PJA2: variants seen among roughly 807,000 people sequenced by gnomAD.
PJA2 encodes the protein praja ring finger ubiquitin ligase 2.
A neutral mutation model predicts 69.3 loss-of-function variants in PJA2; 25 were observed. The observed-to-expected ratio is 0.36, with a 90% CI of 0.26 to 0.50. The LOEUF is 0.50. Ranked by LOEUF, PJA2 falls within the 20% of genes least tolerant of loss-of-function variation. PJA2 has a pLI of 0.96. For synonymous variants in PJA2, 308 were observed against 277.8 expected, an observed-to-expected ratio of 1.11 and a Z score of -1.08; for missense variants, 809 against 830.2, an observed-to-expected ratio of 0.97 and a Z score of 0.31.
intron 9 of PJA2, among the ~76,000 whole-genome samples, chr5:109,343,593 G>C: frequency 6.6e-6 from 1 of 152,006 alleles, no homozygotes; most frequent in Non-Finnish European, 1.5e-5. Context: ...ATTCTAATCA[G>C]CTTTATTCTA....
At position 109,368,560 on chromosome 5, in the gene PJA2, C is replaced by A. The variant is rs530261508; in HGVS notation, c.1469+1G>T. ...AAAATAAATCTCACTGTTGAACATA[C>A]CCTTCCTGAAGAGATAATTCTTGGT... is the stretch of plus-strand genomic sequence containing the variant. On this transcript the variant is annotated splice_donor_variant, in intron 5 of 9. Coordinates refer to ENST00000361189, the MANE Select transcript of PJA2 (RefSeq NM_014819.5). LOFTEE classifies it high-confidence loss of function. 1 of 1,610,530 alleles carries A rather than the reference C, an allele frequency of 6.2e-7. No homozygotes were observed. The highest frequency in any genetic ancestry group is 1.7e-5 in the Admixed American group (1 of 59,418).
chr5:109,382,445 T>TAC (rs1413315570), intron 2 of PJA2, among the ~76,000 whole-genome samples: 1 of 152,220 alleles, frequency 6.6e-6, no homozygotes, highest in African/African-American at 2.4e-5. Context: ...TACATTATTA[T>TAC]ACACACACAT....
At chr5:109,373,601 G>A (rs1762711798) in intron 4 of PJA2, among the ~76,000 whole-genome samples, 2 of 152,244 alleles carry the variant, frequency 1.3e-5, no homozygotes, top group African/African-American at 4.8e-5. Context: ...ACACAAAAAT[G>A]ATCATGGAAC....
In PJA2 at chr5:109,335,045, A is replaced by G. The variant is rs1761914784; in HGVS notation, c.*2186T>C. ...AGAGAAATAAGATAAATGCTATTTT[A>G]TTAATATTCATACTTATTTCTAATT... On this transcript the variant is annotated 3_prime_UTR_variant, in exon 10 of 10. Coordinates refer to ENST00000361189, the MANE Select transcript of PJA2 (RefSeq NM_014819.5). The G allele has an allele frequency of 6.6e-6, 1 of 152,666 alleles. No individual in the cohort carries two copies. Among genetic ancestry groups the G allele is most frequent in the African/African-American group, 2.4e-5 (1 of 41,470 alleles). The allele number at this position is 152,666 out of a possible 1,614,324, so 9.5% of individuals were successfully genotyped here. A position where few individuals can be genotyped will look rare whatever the true frequency, so the allele number is the denominator to read the frequency against.
intron 7 of PJA2, among the ~76,000 whole-genome samples, chr5:109,349,165 C>A (rs1762212578): frequency 6.6e-6 from 1 of 152,124 alleles, no homozygotes; most frequent in Admixed American, 6.5e-5. Flanking sequence ...TTTAAATGTG[C>A]ATTGAAAGGT....
At chr5:109,377,936 C>T (rs1417634842) in intron 4 of PJA2, among the ~76,000 whole-genome samples, 1 of 151,956 alleles carries the variant, frequency 6.6e-6, no homozygotes, top group African/African-American at 2.4e-5. Flanking sequence ...ATTGAAATAC[C>T]ATGAACTAGC....
At chr5:109,379,961 C>A (rs1747001659) in intron 3 of PJA2, among the ~76,000 whole-genome samples, 2 of 150,908 alleles carry the variant, frequency 1.3e-5, no homozygotes. Context: ...TCTTGCATCA[C>A]CACTAATAAA....
intron 9 of PJA2, among the ~76,000 whole-genome samples, chr5:109,343,444 GTA>G (rs1207363687): frequency 6.8e-6 from 1 of 146,772 alleles, no homozygotes; most frequent in African/African-American, 2.5e-5. Flanking sequence ...AGGTTATTAA[GTA>G]TCTCTCATAT....
Position 109,342,229 on chromosome 5 carries a change from G to A in PJA2, c.2001+1961C>T, listed in dbSNP as rs1244012880. Among the ~76,000 whole-genome samples the A allele has an allele frequency of 7.9e-5, 4 of 50,838 alleles. 2 individuals carry two copies. The highest frequency in any genetic ancestry group is 1.5e-4 in the Non-Finnish European group (4 of 26,788). The allele number at this position is 50,838 out of a possible 152,430, so 33.4% of individuals were successfully genotyped here. A position where few individuals can be genotyped will look rare whatever the true frequency, so the allele number is the denominator to read the frequency against. The stretch of plus-strand genomic sequence containing the variant: ...GGTCAGCCCCCCCGCCCGGCCAGCC[G>A]CCCTGTCCAGGAGGTGAGGGGCGCC... On this transcript the variant is annotated intron_variant, in intron 9 of 9. Transcript: ENST00000361189.
chr5:109,355,334 G>A (rs1159868583), intron 7 of PJA2, among the ~76,000 whole-genome samples: 2 of 152,126 alleles, frequency 1.3e-5, no homozygotes, highest in African/African-American at 4.8e-5. Flanking sequence ...TACAGTAGTA[G>A]TTCCCAAACA....
In PJA2 at chr5:109,354,295, TATCTA is replaced by T. The variant is rs879709243; in HGVS notation, c.1764+1615_1764+1619del. 5.1e-3 allele frequency among the ~76,000 whole-genome samples: 754 copies of T among 147,676 alleles called. 78 individuals are homozygous for T. The highest frequency in any genetic ancestry group is 0.019 in the Middle Eastern group (2 of 108). On this transcript the variant is annotated intron_variant, in intron 7 of 9. Transcript: ENST00000361189. The stretch of plus-strand genomic sequence containing the variant: ...ATATCTATAGATTAGATATCTATGA[TATCTA>T]GAGATATCTATAGATTAGATATCTA...
At position 109,377,232 on chromosome 5, in the gene PJA2, T is replaced by G. The variant is rs114651460; in HGVS notation, c.1283+972A>C. Among the ~76,000 whole-genome samples the G allele has an allele frequency of 7.6e-3, 1,155 of 152,194 alleles. 13 individuals are homozygous for G. Among genetic ancestry groups the G allele is most frequent in the African/African-American group, 0.026 (1,081 of 41,542 alleles). On this transcript the variant is annotated intron_variant, in intron 4 of 9. Transcript: ENST00000361189. ...GTTTTATGACATGAATTAAAATGCA[T>G]TCATATTCAAAATGGTAAATTTCTT...
At chr5:109,358,230 C>T (rs941264088) in intron 6 of PJA2, among the ~76,000 whole-genome samples, 6 of 152,178 alleles carry the variant, frequency 3.9e-5, no homozygotes, top group Admixed American at 2.6e-4. Flanking sequence ...GGGAGGGAAA[C>T]CGCTTAAAGG....
At chr5:109,356,688 C>A (rs1762418186) in intron 6 of PJA2, among the ~76,000 whole-genome samples, 1 of 152,054 alleles carries the variant, frequency 6.6e-6, no homozygotes, top group African/African-American at 2.4e-5. Flanking sequence ...TTACTCACGG[C>A]TTTTTTCTTT....
intron 1 of PJA2, among the ~76,000 whole-genome samples, chr5:109,398,525 G>GC (rs1484856460): frequency 6.6e-6 from 1 of 150,744 alleles, no homozygotes; most frequent in Non-Finnish European, 1.5e-5. Context: ...GCAAACTATT[G>GC]CAAGGACAAA....
At chr5:109,392,560 CA>C (rs11365525) in intron 1 of PJA2, among the ~76,000 whole-genome samples, 2,352 of 110,046 alleles carry the variant, frequency 0.021, 35 homozygotes, top group African/African-American at 0.063. Flanking sequence ...GACTCCATCT[CA>C]AAAAAAAAAA....
At chr5:109,373,487 T>TAAGAAAC (rs974842683) in intron 4 of PJA2, among the ~76,000 whole-genome samples, 7 of 151,650 alleles carry the variant, frequency 4.6e-5, no homozygotes. Context: ...TACAGGAAAA[T>TAAGAAAC]AAGAAACGAA....
intron 7 of PJA2, among the ~76,000 whole-genome samples, chr5:109,346,467 T>G (rs1162408377): frequency 2.0e-5 from 3 of 152,268 alleles, no homozygotes; most frequent in Non-Finnish European, 4.4e-5. Flanking sequence ...CCATGTTCAC[T>G]GCAGCATTAT....
At chr5:109,340,993 C>A (rs1486689631) in intron 9 of PJA2, among the ~76,000 whole-genome samples, 6 of 141,242 alleles carry the variant, frequency 4.2e-5, no homozygotes, top group African/African-American at 1.3e-4. Flanking sequence ...CTCACTACAA[C>A]CTACACCTCC....
Sources: allele counts gnomAD v4.1 joint callset (sites outside exome capture counted in the v4.1 genomes callset), GRCh38; gene constraint gnomAD v4.1.1; transcripts MANE v1.5; gene names NCBI Gene and HGNC (gene_info 2026-07-23, HGNC 2026-07-21).